Variants in DCAF4 observed in about 807,000 individuals in gnomAD.
The protein encoded by DCAF4 is DDB1 and CUL4 associated factor 4.
A neutral mutation model predicts 60.9 loss-of-function variants in DCAF4; 37 were observed. The observed-to-expected ratio is 0.61, with a 90% CI of 0.47 to 0.80. The LOEUF (loss-of-function observed/expected upper bound fraction) is 0.80. Ranked by LOEUF, DCAF4 falls within the 30% of genes least tolerant of loss-of-function variation. The probability of loss-of-function intolerance (pLI) is 0.00; values close to 1 mark genes in which losing one functional copy is unlikely to be tolerated. For synonymous variants in DCAF4, 243 were observed against 254.8 expected, an observed-to-expected ratio of 0.95 and a Z score of 0.44; for missense variants, 577 against 650.0, an observed-to-expected ratio of 0.89 and a Z score of 1.22.
downstream of DCAF4, chr14:72,961,752 G>A (rs1892831287): frequency 1.5e-5 from 13 of 870,628 alleles, no homozygotes; most frequent in Non-Finnish European, 1.8e-5. Context: ...GGAATGCAGT[G>A]ACTACACCTG....
intron 1 of DCAF4, chr14:72,929,947 G>C (rs1888315858): frequency 1.1e-6 from 1 of 909,188 alleles, no homozygotes; most frequent in Non-Finnish European, 1.7e-6. Context: ...TGCTCTCCAT[G>C]GCGGCCGTGG....
rs931662101 is a variant in DCAF4, at chr14:72,959,067, G to A, written c.*262G>A. 8.5e-7 allele frequency: 1 copy of A among 1,169,958 alleles called. No individual in the cohort carries two copies. Among genetic ancestry groups the A allele is most frequent in the Non-Finnish European group, 1.1e-6 (1 of 947,874 alleles). The allele number at this position is 1,169,958 out of a possible 1,614,324, so 72.5% of individuals were successfully genotyped here. ...TTTCTTATTGAATTCTTAGAACTTA[G>A]TTAACCCTCCCTGCCTTTTCTTAAC... On this transcript the variant is annotated 3_prime_UTR_variant, in exon 14 of 14. Coordinates refer to ENST00000358377, the MANE Select transcript of DCAF4 (RefSeq NM_015604.4).
downstream of DCAF4, among the ~76,000 whole-genome samples, chr14:72,960,187 A>G (rs957783398): frequency 7.3e-6 from 1 of 137,860 alleles, no homozygotes; most frequent in African/African-American, 2.7e-5. Context: ...ATGGTGTTTT[A>G]TACTTGTTGC....
chr14:72,958,867 T>TA lies in DCAF4; in HGVS notation c.*63dup. 1.3e-6 allele frequency: 2 copies of TA among 1,508,198 alleles called. No individual in the cohort carries two copies. Among genetic ancestry groups the TA allele is most frequent in the Non-Finnish European group, 1.8e-6 (2 of 1,131,600 alleles). 93.4% of individuals were successfully genotyped at this position (1,508,198 alleles called of 1,614,324 possible). ...CTTACGGGAGTAAAGCGTAACTTTT[T>TA]ACTGCATCTAATGAGGGTGTTTTAA... On this transcript the variant is annotated 3_prime_UTR_variant, in exon 14 of 14. Coordinates refer to ENST00000358377, the MANE Select transcript of DCAF4 (RefSeq NM_015604.4).
intron 1 of DCAF4, chr14:72,934,954 A>G (rs553053297): frequency 1.1e-4 from 16 of 152,370 alleles, no homozygotes; most frequent in African/African-American, 3.8e-4. Flanking sequence ...GCAAAAATTT[A>G]CTAAGCACCA....
Position 72,954,417 on chromosome 14 carries a change from G to T in DCAF4, c.939G>T (p.Val313=), listed in dbSNP as rs1203109979. Residue 313 remains valine (V), a synonymous_variant, in exon 11 of 14, where the codon GTG becomes GTT. Coordinates refer to ENST00000358377, the MANE Select transcript of DCAF4 (RefSeq NM_015604.4). ...GLSRRVLLTN[V]VTGHRQSFGT... is the part of the protein sequence containing the mutation. The stretch of plus-strand genomic sequence containing the variant: ...CTCGGCGGGTCCTGTTGACCAACGT[G>T]GTGACGGGACACCGGCAGTCCTTTG... 4 of 1,614,168 alleles carry T rather than the reference G, an allele frequency of 2.5e-6. No homozygotes were observed.
intron 9 of DCAF4, among the ~76,000 whole-genome samples, chr14:72,952,565 TTG>T (rs1334868624): frequency 6.6e-6 from 1 of 152,184 alleles, no homozygotes; most frequent in South Asian, 2.1e-4. Context: ...GTTTCAGAAT[TTG>T]TCTTACAAAA....
At chr14:72,929,814 A>G in intron 1 of DCAF4, 1 of 1,201,654 alleles carries the variant, frequency 8.3e-7, no homozygotes, top group South Asian at 1.2e-5. Flanking sequence ...GTCCCGCTAC[A>G]AACTTGGTGC....
intron 3 of DCAF4, 65 bp from the exon 4 acceptor site, chr14:72,940,155 G>T (rs1889834245): frequency 1.3e-6 from 2 of 1,595,946 alleles, no homozygotes; most frequent in Non-Finnish European, 8.5e-7. Context: ...AGGCCACTGG[G>T]CGCCCAACTC....
chr14:72,936,455 T>G (rs1286337937), intron 1 of DCAF4, among the ~76,000 whole-genome samples: 1 of 151,388 alleles, frequency 6.6e-6, no homozygotes, highest in Non-Finnish European at 1.5e-5. Flanking sequence ...TCCCAGCTAC[T>G]CGGGAGGCTG....
intron 1 of DCAF4, among the ~76,000 whole-genome samples, chr14:72,928,428 C>T (rs1887979611): frequency 6.7e-6 from 1 of 150,022 alleles, no homozygotes; most frequent in African/African-American, 2.5e-5. Flanking sequence ...ATCTGCCGAC[C>T]TCGTGATCCG....
chr14:72,953,918 G>T (rs1891922325), intron 9 of DCAF4, among the ~76,000 whole-genome samples: 1 of 149,422 alleles, frequency 6.7e-6, no homozygotes, highest in African/African-American at 2.5e-5. Flanking sequence ...CTACCTCCCT[G>T]ATATCAGTAC....
At chr14:72,955,481 A>G (rs1338650452) in intron 11 of DCAF4, 42 bp from the exon 12 acceptor site, 1 of 1,599,442 alleles carries the variant, frequency 6.3e-7, no homozygotes, top group African/African-American at 1.3e-5. Context: ...CCTCAGAGGG[A>G]TGTCATGATA....
intron 1 of DCAF4, among the ~76,000 whole-genome samples, chr14:72,928,664 G>A (rs1028808816): frequency 5.9e-5 from 9 of 151,538 alleles, no homozygotes; most frequent in Non-Finnish European, 8.8e-5. Context: ...TCAATCCAGT[G>A]GGTTTTTTTA....
At chr14:72,949,690 G>A (rs1891171680) in intron 8 of DCAF4, among the ~76,000 whole-genome samples, 3 of 152,090 alleles carry the variant, frequency 2.0e-5, no homozygotes, top group Admixed American at 1.3e-4. Context: ...CCGGGAGACA[G>A]AGGTTGCAGT....
intron 1 of DCAF4, chr14:72,935,194 C>T (rs1308310175): frequency 6.6e-6 from 1 of 152,152 alleles, no homozygotes; most frequent in Non-Finnish European, 1.5e-5. Context: ...AAGGTACTGT[C>T]TTTGTCCTAG....
rs1001047514 is a variant in DCAF4, at chr14:72,955,643, G to A, written c.1126G>A (p.Val376Met). 5 of 1,614,040 alleles carry A rather than the reference G, an allele frequency of 3.1e-6. No individual in the cohort carries two copies. In the East Asian group the frequency reaches 6.7e-5, roughly 22 times the overall value. Residue 376 changes from valine (V) to methionine (M), a missense_variant, in exon 12 of 14, where the codon GTG (valine) becomes ATG (methionine). Coordinates refer to ENST00000358377, the MANE Select transcript of DCAF4 (RefSeq NM_015604.4). Reference sequence around the variant, plus strand: ...GTTTCATGATTCAGCAGTGACCTCTGTGCGGATCCTCCAAGATGAGCAATA... The same window carrying A: ...GTTTCATGATTCAGCAGTGACCTCTATGCGGATCCTCCAAGATGAGCAATA... ...RLFHDSAVTS[V>M]RILQDEQYLM...
intron 4 of DCAF4, 137 bp downstream of exon 4, chr14:72,940,514 C>T: frequency 1.2e-6 from 1 of 833,704 alleles, no homozygotes; most frequent in Non-Finnish European, 1.7e-6. Flanking sequence ...CCTAGCTTTT[C>T]CCTGACAGGA....
At chr14:72,961,845 C>T, downstream of DCAF4, 2 of 1,072,634 alleles carry the variant, frequency 1.9e-6, no homozygotes, top group Non-Finnish European at 2.3e-6. Flanking sequence ...TCTCCTTGCC[C>T]CCAAGGGCAT....
Sources: gnomAD v4.1 joint callset for allele counts (sites outside exome capture counted in the v4.1 genomes callset) on GRCh38, gnomAD v4.1.1 for gene constraint, MANE v1.5 for transcripts, NCBI Gene and HGNC (gene_info 2026-07-23, HGNC 2026-07-21) for gene names.